ADAMTS14: variants seen among roughly 807,000 people sequenced by gnomAD.
ADAMTS14 encodes ADAM metallopeptidase with thrombospondin type 1 motif 14, also known as A disintegrin and metalloproteinase with thrombospondin motifs 14.
Under a neutral mutation model 128.6 loss-of-function variants are expected in ADAMTS14, and 100 were observed. That is an observed-to-expected ratio of 0.78 (90% confidence interval 0.66 to 0.92). ADAMTS14 has a LOEUF of 0.92. Among genes scored for constraint, ADAMTS14 ranks in the 40% least tolerant of loss-of-function variants. ADAMTS14 has a pLI of 0.00. For synonymous variants in ADAMTS14, 665 were observed against 653.8 expected (o/e 1.02, Z -0.26); for missense variants, 1,562 against 1,658.6 (o/e 0.94, Z 1.01).
intron 4 of ADAMTS14, among the ~76,000 whole-genome samples, chr10:70,716,421 G>A (rs181817979): frequency 3.9e-5 from 6 of 152,310 alleles, no homozygotes; most frequent in African/African-American, 1.2e-4. Flanking sequence ...TGCTGCCATC[G>A]CGGGTACATG....
At chr10:70,683,576 G>A (rs1839875964) in intron 2 of ADAMTS14, among the ~76,000 whole-genome samples, 1 of 152,204 alleles carries the variant, frequency 6.6e-6, no homozygotes, top group Non-Finnish European at 1.5e-5. Flanking sequence ...GCTCTCCTGG[G>A]GAAATAGGCA....
chr10:70,732,017 G>C (rs886607674), intron 6 of ADAMTS14, among the ~76,000 whole-genome samples: 3 of 152,114 alleles, frequency 2.0e-5, no homozygotes, highest in African/African-American at 4.8e-5. Flanking sequence ...TTAGAGGGGC[G>C]CTGATAAACC....
intron 2 of ADAMTS14, among the ~76,000 whole-genome samples, chr10:70,692,567 C>G (rs987932027): frequency 6.6e-6 from 1 of 152,206 alleles, no homozygotes; most frequent in Admixed American, 6.5e-5. Flanking sequence ...GGAGTTGATT[C>G]TGTGTTCATT....
At chr10:70,750,470 C>T (rs1265076144) in intron 16 of ADAMTS14, among the ~76,000 whole-genome samples, 2 of 152,170 alleles carry the variant, frequency 1.3e-5, no homozygotes, top group Non-Finnish European at 1.5e-5. Context: ...TGGGCCAGGG[C>T]TTGTGGAATA....
intron 19 of ADAMTS14, among the ~76,000 whole-genome samples, chr10:70,756,186 C>T (rs1400055254): frequency 6.6e-6 from 1 of 152,178 alleles, no homozygotes; most frequent in African/African-American, 2.4e-5. Flanking sequence ...AGGGACACAA[C>T]ACAATCTGAA....
chr10:70,738,582 T>A (rs1297986306), intron 10 of ADAMTS14, among the ~76,000 whole-genome samples: 1 of 152,250 alleles, frequency 6.6e-6, no homozygotes, highest in African/African-American at 2.4e-5. Flanking sequence ...CTGTTCATCA[T>A]AAGATCTGCC....
chr10:70,738,797 G>A (rs1841905502), intron 10 of ADAMTS14, 45 bp from the exon 11 acceptor site: 1 of 1,609,392 alleles, frequency 6.2e-7, no homozygotes, highest in Non-Finnish European at 8.5e-7. Context: ...GGTGGGCTCA[G>A]CAGCAGCAGC....
intron 2 of ADAMTS14, 144 bp downstream of exon 2, chr10:70,675,139 G>A (rs1299279137): frequency 7.0e-6 from 7 of 1,005,106 alleles, no homozygotes; most frequent in Admixed American, 2.4e-5. Context: ...GCCTGCCCCC[G>A]CGGGCCACTA....
intron 2 of ADAMTS14, among the ~76,000 whole-genome samples, chr10:70,687,197 C>T (rs1839995367): frequency 1.9e-5 from 2 of 107,700 alleles, no homozygotes; most frequent in Non-Finnish European, 4.2e-5. Context: ...CTGACCCCCC[C>T]CACCTCCCTC....
At chr10:70,760,247 A>T in intron 21 of ADAMTS14, 113 bp from the exon 22 acceptor site, 1 of 1,400,002 alleles carries the variant, frequency 7.1e-7, no homozygotes, top group Non-Finnish European at 9.5e-7. Flanking sequence ...TAGTGGGTCC[A>T]GCAGGGGCAG....
Position 70,743,194 on chromosome 10 carries a change from T to C in ADAMTS14, c.1925-354T>C, listed in dbSNP as rs529059820. On this transcript the variant is annotated intron_variant, in intron 12 of 21. Coordinates refer to ENST00000373207, the MANE Select transcript of ADAMTS14 (RefSeq NM_080722.4). ...AATTCATGAAAAGCCATTAAAGCTG[T>C]ATTTTAAGGGCATGTGAAGGTTTTA... Among the ~76,000 whole-genome samples, 3 of 152,350 alleles carry C rather than the reference T, an allele frequency of 2.0e-5. No homozygotes were observed. The South Asian group carries it at 6.2e-4, about 32-fold the overall frequency.
chr10:70,706,630 G>A (rs1272550463), intron 3 of ADAMTS14, among the ~76,000 whole-genome samples: 2 of 152,206 alleles, frequency 1.3e-5, no homozygotes, highest in Non-Finnish European at 2.9e-5. Flanking sequence ...GTAAGTGAGG[G>A]AGAAACCCAC....
chr10:70,713,557 G>A (rs1840927007), intron 4 of ADAMTS14, among the ~76,000 whole-genome samples: 1 of 152,206 alleles, frequency 6.6e-6, no homozygotes, highest in Admixed American at 6.5e-5. Flanking sequence ...GCAGCAGATG[G>A]GCTTTCTCCC....
rs542850285 is a variant in ADAMTS14, at chr10:70,760,343, T to C, written c.3179-17T>C. The C allele has an allele frequency of 2.6e-6, 4 of 1,532,152 alleles. No individual in the cohort carries two copies. The East Asian group carries it at 9.1e-5, about 35-fold the overall frequency. 94.9% of individuals were successfully genotyped at this position (1,532,152 alleles called of 1,614,324 possible). A position where few individuals can be genotyped will look rare whatever the true frequency, so the allele number is the denominator to read the frequency against. Reference sequence around the variant, plus strand: ...CCCCACGTTGCTTCCATCCTTGTCCTTGTGCTGTGTGTGCAGCGGAGCCCT... The same window carrying C: ...CCCCACGTTGCTTCCATCCTTGTCCCTGTGCTGTGTGTGCAGCGGAGCCCT... On this transcript the variant is annotated splice_polypyrimidine_tract_variant and intron_variant, in intron 21 of 21. Coordinates refer to ENST00000373207, the MANE Select transcript of ADAMTS14 (RefSeq NM_080722.4).
At chr10:70,746,090 T>C (rs544532559) in intron 15 of ADAMTS14, among the ~76,000 whole-genome samples, 64 of 152,276 alleles carry the variant, frequency 4.2e-4, no homozygotes, top group African/African-American at 1.5e-3. Flanking sequence ...CAAAGCAGCA[T>C]GCATAGAGGA....
Position 70,749,953 on chromosome 10 carries a change from A to G in ADAMTS14, c.2395A>G (p.Ser799Gly), listed in dbSNP as rs755709221. 6.2e-7 allele frequency: 1 copy of G among 1,614,100 alleles called. No individual in the cohort carries two copies. The highest frequency in any genetic ancestry group is 1.7e-5 in the Admixed American group (1 of 60,026). ...GGATGCCAAGGAAAGCCTCAAGACC[A>G]GCGGGCCCCTGCCTGAAGCCATTGC... ...VEDAKESLKT[S>G]GPLPEAIAIL... The change falls in exon 16 of 22, where the codon AGC (serine) becomes GGC (glycine). Residue 799 changes from serine (S) to glycine (G), a missense_variant. Coordinates refer to ENST00000373207, the MANE Select transcript of ADAMTS14 (RefSeq NM_080722.4).
intron 8 of ADAMTS14, 32 bp downstream of exon 8, chr10:70,734,060 G>C: frequency 6.2e-7 from 1 of 1,600,558 alleles, no homozygotes; most frequent in Non-Finnish European, 8.5e-7. Flanking sequence ...AGCTGGGATA[G>C]GGGAGCATGC....
At chr10:70,680,523 G>C (rs949876862) in intron 2 of ADAMTS14, among the ~76,000 whole-genome samples, 4 of 152,266 alleles carry the variant, frequency 2.6e-5, no homozygotes, top group Admixed American at 6.5e-5. Flanking sequence ...TTGGGGGAAA[G>C]AGCAGGATGT....
At chr10:70,736,832 G>A in intron 10 of ADAMTS14, 39 bp downstream of exon 10, 1 of 1,577,664 alleles carries the variant, frequency 6.3e-7, no homozygotes, top group Non-Finnish European at 8.7e-7. Context: ...CCTTCCTGGG[G>A]TGCAGGGCAT....
Sources: gnomAD v4.1 joint callset for allele counts (sites outside exome capture counted in the v4.1 genomes callset) on GRCh38, gnomAD v4.1.1 for gene constraint, MANE v1.5 for transcripts, NCBI Gene and HGNC (gene_info 2026-07-23, HGNC 2026-07-21) for gene names.